CSNK2A1: variants seen among roughly 807,000 people sequenced by gnomAD.
CSNK2A1 encodes the protein casein kinase II subunit alpha.
Under a neutral mutation model 62.9 loss-of-function variants are expected in CSNK2A1, and 10 were observed. The ratio of observed to expected loss-of-function variants is 0.16; its 90% CI spans 0.10 to 0.27. The LOEUF is 0.27. CSNK2A1 is among the 10% of genes least tolerant of loss of function. CSNK2A1 has a pLI of 1.00. For synonymous variants in CSNK2A1, 124 were observed against 167.8 expected (o/e 0.74, Z 2.02); for missense variants, 160 against 492.0 (o/e 0.33, Z 6.38).
At chr20:488,614 T>C in intron 11 of CSNK2A1, 64 bp downstream of exon 11, 2 of 1,486,282 alleles carry the variant, frequency 1.3e-6, no homozygotes, top group Non-Finnish European at 1.9e-6. Context: ...TTGAAGATCC[T>C]AAGTGCCAGT....
chr20:518,805 T>C (rs893373185), intron 2 of CSNK2A1, among the ~76,000 whole-genome samples: 6 of 151,404 alleles, frequency 4.0e-5, no homozygotes, highest in African/African-American at 7.3e-5. Flanking sequence ...TCCACCCGCC[T>C]TGGCCTCCCA....
chr20:528,599 T>C (rs2019146858), intron 1 of CSNK2A1, among the ~76,000 whole-genome samples: 3 of 152,234 alleles, frequency 2.0e-5, no homozygotes, highest in South Asian at 4.1e-4. Context: ...TTTTTCTTTT[T>C]TTTCTTTCTT....
Position 499,842 on chromosome 20 carries a change from T to C in CSNK2A1, c.306A>G (p.Lys102=). ...CACCTACTATACTCACCACAGGGTCTTTTACAATGTCTGCCAGTGTGATGA... is the reference window on the plus strand; with the variant it reads ...CACCTACTATACTCACCACAGGGTCCTTTACAATGTCTGCCAGTGTGATGA... ...PNIITLADIV[K]DPVSRTPALV... is the part of the protein sequence containing the mutation. Residue 102 remains lysine (K), a synonymous_variant, in exon 5 of 14, where the codon AAA becomes AAG. Coordinates refer to ENST00000217244, the MANE Select transcript of CSNK2A1 (RefSeq NM_177559.3). The surrounding 1 kb of genome is among the most constrained non-coding windows in gnomAD (Gnocchi z 4.2). 6.2e-7 allele frequency: 1 copy of C among 1,613,744 alleles called. No individual in the cohort carries two copies. Among genetic ancestry groups the C allele is most frequent in the South Asian group, 1.1e-5 (1 of 91,060 alleles).
At chr20:522,078 T>C (rs2018961394) in intron 2 of CSNK2A1, among the ~76,000 whole-genome samples, 2 of 152,240 alleles carry the variant, frequency 1.3e-5, no homozygotes, top group East Asian at 1.9e-4. Context: ...CTCTGCCTCC[T>C]GTCCCATCAG....
chr20:541,986 C>A lies in CSNK2A1; in HGVS notation c.-227+1686G>T, dbSNP rs1600424831. 2.0e-5 allele frequency among the ~76,000 whole-genome samples: 3 copies of A among 152,272 alleles called. No individual in the cohort carries two copies. In the East Asian group the frequency reaches 5.8e-4, roughly 29 times the overall value. ...ACTAGTATTGGTACTGGACTTTCAG[C>A]CCCAGGTCCACCAAGCCAGTAAAGC... On this transcript the variant is annotated intron_variant, in intron 1 of 13. Transcript: ENST00000217244.
At chr20:510,001 A>G (rs938221897) in intron 2 of CSNK2A1, among the ~76,000 whole-genome samples, 1 of 152,238 alleles carries the variant, frequency 6.6e-6, no homozygotes, top group Non-Finnish European at 1.5e-5. Context: ...GGCTAAAGAG[A>G]CATTGCATAA....
At chr20:498,535 G>A (rs537795893) in intron 6 of CSNK2A1, 10 of 152,120 alleles carry the variant, frequency 6.6e-5, no homozygotes, top group Admixed American at 3.9e-4. Context: ...GGTTAGCAAC[G>A]TCTTCTGACA....
At chr20:496,975 C>T (rs950607986) in intron 7 of CSNK2A1, among the ~76,000 whole-genome samples, 1 of 151,998 alleles carries the variant, frequency 6.6e-6, no homozygotes, top group African/African-American at 2.4e-5. Flanking sequence ...GGTGTTTTCA[C>T]GAGTTTTGAA....
chr20:525,463 T>TA (rs2019061383), intron 2 of CSNK2A1, among the ~76,000 whole-genome samples: 2 of 151,216 alleles, frequency 1.3e-5, no homozygotes, highest in Non-Finnish European at 2.9e-5. Flanking sequence ...CCACCCTGGC[T>TA]AACATGGTGA....
intron 2 of CSNK2A1, among the ~76,000 whole-genome samples, chr20:510,900 T>C (rs1457071754): frequency 2.0e-5 from 3 of 151,846 alleles, no homozygotes; most frequent in East Asian, 3.9e-4. Flanking sequence ...AAATTTTTTT[T>C]TTGTAAAGAT....
chr20:521,736 G>A (rs944291622), intron 2 of CSNK2A1, among the ~76,000 whole-genome samples: 3 of 152,180 alleles, frequency 2.0e-5, no homozygotes, highest in African/African-American at 7.2e-5. Flanking sequence ...ACTGATTTGT[G>A]CAACAAAATG....
chr20:491,834 G>A (rs1229870635), intron 9 of CSNK2A1, among the ~76,000 whole-genome samples: 1 of 152,176 alleles, frequency 6.6e-6, no homozygotes, highest in Non-Finnish European at 1.5e-5. Flanking sequence ...TGAGGCAGGA[G>A]AAAGGTGTGA....
At chr20:540,183 T>C (rs1016266178) in intron 1 of CSNK2A1, among the ~76,000 whole-genome samples, 10 of 152,214 alleles carry the variant, frequency 6.6e-5, no homozygotes, top group Non-Finnish European at 2.9e-5. Context: ...AACAGCCCTA[T>C]TACTTTCTGT....
At chr20:497,139 C>T (rs2018361189) in intron 7 of CSNK2A1, among the ~76,000 whole-genome samples, 1 of 152,046 alleles carries the variant, frequency 6.6e-6, no homozygotes, top group African/African-American at 2.4e-5. Flanking sequence ...GGTTCTGATA[C>T]TATTATTATT....
At chr20:487,274 A>C in intron 12 of CSNK2A1, 153 bp downstream of exon 12, 1 of 979,376 alleles carries the variant, frequency 1.0e-6, no homozygotes, top group Non-Finnish European at 1.5e-6. Flanking sequence ...GTAATTCTGC[A>C]ATGTAGTTGC....
At chr20:520,934 T>G (rs1008436518) in intron 2 of CSNK2A1, among the ~76,000 whole-genome samples, 2 of 152,080 alleles carry the variant, frequency 1.3e-5, no homozygotes, top group Non-Finnish European at 2.9e-5. Flanking sequence ...GGCTCATGAC[T>G]GTATAATCCC....
At chr20:511,071 T>C (rs888363624) in intron 2 of CSNK2A1, among the ~76,000 whole-genome samples, 1 of 152,064 alleles carries the variant, frequency 6.6e-6, no homozygotes, top group Non-Finnish European at 1.5e-5. Flanking sequence ...ACATAAACTT[T>C]ATGGCCAGGC....
chr20:490,433 CAG>C (rs1313075556), intron 9 of CSNK2A1, among the ~76,000 whole-genome samples: 1 of 112,726 alleles, frequency 8.9e-6, no homozygotes, highest in Non-Finnish European at 1.7e-5. Flanking sequence ...TTTTTTGAGA[CAG>C]AGTCTTGCTC....
intron 2 of CSNK2A1, among the ~76,000 whole-genome samples, chr20:516,349 C>T (rs2018828651): frequency 6.6e-6 from 1 of 152,134 alleles, no homozygotes; most frequent in African/African-American, 2.4e-5. Context: ...TTTAGCCTAA[C>T]AGAAGCCAAT....
Sources: gnomAD v4.1 joint callset for allele counts (sites outside exome capture counted in the v4.1 genomes callset) on GRCh38, gnomAD v4.1.1 for gene constraint, Gnocchi (gnomAD v3.1) non-coding constraint, MANE v1.5 for transcripts, NCBI Gene and HGNC (gene_info 2026-07-23, HGNC 2026-07-21) for gene names.